Variants in SEPTIN7 observed in about 807,000 individuals in gnomAD.
SEPTIN7 encodes septin 7, also known as septin-7.
SEPTIN7 carries 10 observed loss-of-function variants against 63.3 expected under a neutral mutation model. The observed-to-expected ratio is 0.16, with a 90% confidence interval of 0.10 to 0.27. The LOEUF (loss-of-function observed/expected upper bound fraction) is 0.27, where lower values mean the gene tolerates loss of function less well. Among genes scored for constraint, SEPTIN7 ranks in the 10% least tolerant of loss-of-function variants. The probability of loss-of-function intolerance (pLI) is 1.00; values close to 1 mark genes in which losing one functional copy is unlikely to be tolerated. For missense variants in SEPTIN7, 310 were observed against 521.0 expected (o/e 0.59, Z 3.94); for synonymous variants, 131 against 165.3 (o/e 0.79, Z 1.59).
intron 7 of SEPTIN7, 91 bp from the exon 8 acceptor site, chr7:35,882,393 C>G (rs1212192212): frequency 2.1e-6 from 2 of 941,272 alleles, no homozygotes; most frequent in East Asian, 7.4e-5. Context: ...ACCAAGGACC[C>G]ATATAGGAAT....
chr7:35,852,786 G>T (rs1234579644), intron 3 of SEPTIN7, among the ~76,000 whole-genome samples: 1 of 152,064 alleles, frequency 6.6e-6, no homozygotes, highest in Non-Finnish European at 1.5e-5. Context: ...TCATTTATAT[G>T]AGGTACTTGA....
At chr7:35,900,481 C>T (rs983069132) in intron 12 of SEPTIN7, 2 of 152,186 alleles carry the variant, frequency 1.3e-5, no homozygotes, top group African/African-American at 2.4e-5. Flanking sequence ...AAGTTCTTAA[C>T]ATGACATTTT....
At position 35,812,892 on chromosome 7, in the gene SEPTIN7, A is replaced by G. The variant is rs569301084; in HGVS notation, c.61+11622A>G. On this transcript the variant is annotated intron_variant, in intron 1 of 13. Coordinates refer to ENST00000350320, the MANE Select transcript of SEPTIN7 (RefSeq NM_001788.6). ...TTAAAAATATTATTTCTTGGGCTCT[A>G]TCGGCAAGATTCTAATTCCCTACTT... is the stretch of plus-strand genomic sequence containing the variant. Among the ~76,000 whole-genome samples, 5 of 152,338 alleles carry G rather than the reference A, an allele frequency of 3.3e-5. No homozygotes were observed. The South Asian group carries it at 1.0e-3, about 32-fold the overall frequency.
At chr7:35,832,756 C>A in intron 2 of SEPTIN7, 42 bp from the exon 3 acceptor site, 1 of 1,025,088 alleles carries the variant, frequency 9.8e-7, no homozygotes, top group Non-Finnish European at 1.6e-6. Context: ...TTGAATAGTA[C>A]TGTTGATACA....
chr7:35,906,870 GA>G lies in SEPTIN7; in HGVS notation c.*2582del. ...AAGTCAGGATATGGTAGGTAAGGGG[GA>G]AAAAGGAAAGACGGCTTGATAGCTA... On this transcript the variant is annotated 3_prime_UTR_variant, in exon 14 of 14. Transcript: ENST00000350320. 6.6e-6 allele frequency: 1 copy of G among 152,330 alleles called. No homozygotes were observed. Among genetic ancestry groups the G allele is most frequent in the Non-Finnish European group, 1.5e-5 (1 of 68,036 alleles). The allele number at this position is 152,330 out of a possible 1,614,324, so 9.4% of individuals were successfully genotyped here.
intron 1 of SEPTIN7, among the ~76,000 whole-genome samples, chr7:35,823,480 C>T (rs1244795429): frequency 2.0e-5 from 3 of 152,216 alleles, no homozygotes; most frequent in Admixed American, 6.5e-5. Flanking sequence ...GGATTACAGG[C>T]ATGAGCCACC....
chr7:35,910,219 AGCTTAGTCCTGTTCAAT>A (rs1788717112), downstream of SEPTIN7, among the ~76,000 whole-genome samples: 1 of 152,206 alleles, frequency 6.6e-6, no homozygotes, highest in Non-Finnish European at 1.5e-5. Context: ...TTGCTAATGC[AGCTTAGTCCTGTTCAAT>A]GCATGAAGGA....
chr7:35,838,975 A>G (rs780687249), intron 3 of SEPTIN7, among the ~76,000 whole-genome samples: 3 of 152,206 alleles, frequency 2.0e-5, no homozygotes, highest in Non-Finnish European at 4.4e-5. Flanking sequence ...TGGTCTTCCT[A>G]TATAAATACT....
rs142552412 is a variant in SEPTIN7 at position 35,856,689 on chromosome 7, C to T, written c.170-6863C>T. 3.0e-3 allele frequency among the ~76,000 whole-genome samples: 457 copies of T among 152,234 alleles called. 4 individuals carry two copies. The highest frequency in any genetic ancestry group is 0.01 in the Middle Eastern group (3 of 294). On this transcript the variant is annotated intron_variant, in intron 3 of 13. Coordinates refer to ENST00000350320, the MANE Select transcript of SEPTIN7 (RefSeq NM_001788.6). ...GAATGAGACTGGGCTCTTTGAGGAT[C>T]ATTTCCCCTGTGGCATATAGCTCAA...
In SEPTIN7 at chr7:35,905,442, T is replaced by A. The variant is rs1398329456; in HGVS notation, c.*1149T>A. The stretch of plus-strand genomic sequence containing the variant: ...GCTTGTCTCATTTAGAATGCATATG[T>A]GCTGATTTTCTAATTTAAGAGATAC... On this transcript the variant is annotated 3_prime_UTR_variant, in exon 14 of 14. Transcript: ENST00000350320. 2.0e-5 allele frequency: 3 copies of A among 152,258 alleles called. No homozygotes were observed. Among genetic ancestry groups the A allele is most frequent in the Non-Finnish European group, 2.9e-5 (2 of 68,040 alleles). The allele number at this position is 152,258 out of a possible 1,614,324, so 9.4% of individuals were successfully genotyped here.
downstream of SEPTIN7, among the ~76,000 whole-genome samples, chr7:35,909,102 G>A (rs1200675876): frequency 6.6e-6 from 1 of 152,084 alleles, no homozygotes; most frequent in African/African-American, 2.4e-5. Flanking sequence ...ATATATCGGT[G>A]GGACATAATA....
chr7:35,809,728 G>T (rs148607140), intron 1 of SEPTIN7, among the ~76,000 whole-genome samples: 1 of 152,148 alleles, frequency 6.6e-6, no homozygotes, highest in Non-Finnish European at 1.5e-5. Context: ...GGTTAGAAGA[G>T]GTAAGTAGGC....
intron 3 of SEPTIN7, among the ~76,000 whole-genome samples, chr7:35,859,445 G>A (rs1376402220): frequency 1.3e-5 from 2 of 152,158 alleles, no homozygotes; most frequent in East Asian, 1.9e-4. Context: ...ACATGTCCTT[G>A]AGAAAAGTGT....
At chr7:35,912,031 G>A (rs1788750416), downstream of SEPTIN7, among the ~76,000 whole-genome samples, 1 of 152,190 alleles carries the variant, frequency 6.6e-6, no homozygotes, top group African/African-American at 2.4e-5. Context: ...GCCTGCAGAT[G>A]TGGATCCTGA....
At chr7:35,914,116 G>A in the SEPTIN7 span, among the ~76,000 whole-genome samples, 2 of 152,186 alleles carry the variant, frequency 1.3e-5, no homozygotes, top group South Asian at 4.1e-4. Flanking sequence ...GAAAGAATGA[G>A]GTATTCCTTT....
At chr7:35,834,104 C>T (rs941045515) in intron 3 of SEPTIN7, among the ~76,000 whole-genome samples, 50 of 151,826 alleles carry the variant, frequency 3.3e-4, no homozygotes, top group Admixed American at 2.0e-3. Context: ...CAGAGCATAC[C>T]TTTTCTTCGG....
chr7:35,810,906 A>C (rs772157732), intron 1 of SEPTIN7, among the ~76,000 whole-genome samples: 8 of 152,012 alleles, frequency 5.3e-5, no homozygotes, highest in Non-Finnish European at 1.0e-4. Flanking sequence ...AGCTGGGATT[A>C]CAGGCACATG....
chr7:35,831,372 C>T, intron 1 of SEPTIN7, 120 bp from the exon 2 acceptor site: 1 of 287,028 alleles, frequency 3.5e-6, no homozygotes, highest in Non-Finnish European at 6.8e-6. Context: ...GGATTTGCCT[C>T]TCCTGTTTGG....
At position 35,817,012 on chromosome 7, in the gene SEPTIN7, T is replaced by G. The variant is rs541649009; in HGVS notation, c.62-14480T>G. On this transcript the variant is annotated intron_variant, in intron 1 of 13. Transcript: ENST00000350320. ...GTAGTTCCTACAATTCCACAGGTTT[T>G]TTTTTTTTTTACGTTCTTGATAGTG... Among the ~76,000 whole-genome samples the G allele has an allele frequency of 3.3e-5, 5 of 152,102 alleles. No individual in the cohort carries two copies. The South Asian group carries it at 1.0e-3, about 32-fold the overall frequency.
Sources: allele counts gnomAD v4.1 joint callset (sites outside exome capture counted in the v4.1 genomes callset), GRCh38; gene constraint gnomAD v4.1.1; transcripts MANE v1.5; gene names NCBI Gene and HGNC (gene_info 2026-07-23, HGNC 2026-07-21).